Variants in TBC1D22B observed in about 807,000 individuals in gnomAD.
TBC1D22B encodes the protein TBC1 domain family member 22B.
A neutral mutation model predicts 69.1 loss-of-function variants in TBC1D22B; 32 were observed. The observed-to-expected ratio is 0.46, with a 90% CI of 0.35 to 0.62. The LOEUF is 0.62. TBC1D22B is among the 20% of genes least tolerant of loss of function. The pLI, the probability that TBC1D22B is intolerant of heterozygous loss-of-function variation, is 0.00. For synonymous variants in TBC1D22B, 206 were observed against 229.8 expected, an observed-to-expected ratio of 0.90 and a Z score of 0.94; for missense variants, 462 against 630.9, an observed-to-expected ratio of 0.73 and a Z score of 2.87.
intron 12 of TBC1D22B, among the ~76,000 whole-genome samples, chr6:37,326,407 A>G (rs983057587): frequency 3.4e-5 from 5 of 149,178 alleles, no homozygotes; most frequent in Non-Finnish European, 7.4e-5. Context: ...ATTCTCTTCT[A>G]GAGAGCTATG....
chr6:37,290,622 G>T (rs546045135), intron 7 of TBC1D22B, among the ~76,000 whole-genome samples: 2 of 152,076 alleles, frequency 1.3e-5, no homozygotes, highest in African/African-American at 4.8e-5. Flanking sequence ...CCCAGCTATA[G>T]GAGTCCATAG....
chr6:37,260,615 G>GA (rs1447835971), intron 1 of TBC1D22B, among the ~76,000 whole-genome samples: 3 of 152,090 alleles, frequency 2.0e-5, no homozygotes, highest in Non-Finnish European at 2.9e-5. Flanking sequence ...ATCCTGAAAA[G>GA]AAACTACATA....
intron 8 of TBC1D22B, among the ~76,000 whole-genome samples, chr6:37,296,580 G>A (rs1767382432): frequency 6.6e-6 from 1 of 152,030 alleles, no homozygotes; most frequent in African/African-American, 2.4e-5. Context: ...GAACCCCTGA[G>A]CTCAAGCATC....
At chr6:37,291,948 G>A (rs1767199703) in intron 8 of TBC1D22B, among the ~76,000 whole-genome samples, 1 of 152,210 alleles carries the variant, frequency 6.6e-6, no homozygotes, top group Non-Finnish European at 1.5e-5. Context: ...GCCTCTGCCA[G>A]CCAGCCTAAG....
intron 2 of TBC1D22B, among the ~76,000 whole-genome samples, chr6:37,270,300 A>G (rs1766442494): frequency 6.6e-6 from 1 of 151,946 alleles, no homozygotes; most frequent in African/African-American, 2.4e-5. Context: ...AAAAATACAA[A>G]AATTGGCTGG....
chr6:37,274,903 T>C (rs1933942745), intron 2 of TBC1D22B, among the ~76,000 whole-genome samples: 1 of 152,136 alleles, frequency 6.6e-6, no homozygotes, highest in South Asian at 2.1e-4. Context: ...AATACAAAAA[T>C]TAGCTGGGCG....
chr6:37,296,550 A>C (rs180736643), intron 8 of TBC1D22B, among the ~76,000 whole-genome samples: 99 of 152,132 alleles, frequency 6.5e-4, no homozygotes, highest in Non-Finnish European at 1.3e-3. Context: ...AATTTTTGCC[A>C]CATTGCCGAG....
rs78237273 is a variant in TBC1D22B at position 37,291,393 on chromosome 6, G to A, written c.982+36G>A. On this transcript the variant is annotated intron_variant, in intron 8 of 12. Coordinates refer to ENST00000373491, the MANE Select transcript of TBC1D22B (RefSeq NM_017772.4). Reference sequence around the variant, plus strand: ...TTAGTACCAAGCTGAACAAGCTATTGCTCTTTCTTATCTGCCGTCTGTCTG... The same window carrying A: ...TTAGTACCAAGCTGAACAAGCTATTACTCTTTCTTATCTGCCGTCTGTCTG... 1,318 of 1,418,006 alleles carry A rather than the reference G, an allele frequency of 9.3e-4. 12 individuals carry two copies. In the African/African-American group the frequency reaches 0.018, roughly 19 times the overall value. 87.8% of individuals were successfully genotyped at this position (1,418,006 alleles called of 1,614,324 possible).
At chr6:37,330,923 CTT>C (rs1768563798) in intron 12 of TBC1D22B, 119 bp from the exon 13 acceptor site, 5 of 1,010,538 alleles carry the variant, frequency 4.9e-6, no homozygotes, top group Admixed American at 3.9e-5. Context: ...AGGCTGGACT[CTT>C]TGAGATGTGT....
In TBC1D22B at chr6:37,292,414, T is replaced by C. The variant is rs143272014; in HGVS notation, c.982+1057T>C. On this transcript the variant is annotated intron_variant, in intron 8 of 12. Coordinates refer to ENST00000373491, the MANE Select transcript of TBC1D22B (RefSeq NM_017772.4). Reference sequence around the variant, plus strand: ...TGATGAGGTCTTTCATGAGGCGATCTCAGAAAATTAAGAATTAAGGCAACT... The same window carrying C: ...TGATGAGGTCTTTCATGAGGCGATCCCAGAAAATTAAGAATTAAGGCAACT... Among the ~76,000 whole-genome samples, 6 of 152,274 alleles carry C rather than the reference T, an allele frequency of 3.9e-5. No homozygotes were observed. The East Asian group carries it at 1.2e-3, about 29-fold the overall frequency.
intron 8 of TBC1D22B, among the ~76,000 whole-genome samples, chr6:37,308,033 A>C (rs764043965): frequency 4.6e-5 from 7 of 152,256 alleles, no homozygotes; most frequent in African/African-American, 7.2e-5. Context: ...GCCATCACTC[A>C]AGTACATTTC....
intron 3 of TBC1D22B, 95 bp downstream of exon 3, chr6:37,279,706 T>C (rs767474880): frequency 1.7e-5 from 22 of 1,296,168 alleles, no homozygotes; most frequent in Non-Finnish European, 2.0e-5. Context: ...CTCAGGTAGA[T>C]ATTCAACTGG....
chr6:37,317,365 G>C (rs1170660920), intron 12 of TBC1D22B, among the ~76,000 whole-genome samples, 159 bp downstream of exon 12: 1 of 152,222 alleles, frequency 6.6e-6, no homozygotes, highest in Non-Finnish European at 1.5e-5. Flanking sequence ...TTAGTTGGCA[G>C]GAAGTCACTG....
At chr6:37,271,633 A>G (rs1326699279) in intron 2 of TBC1D22B, among the ~76,000 whole-genome samples, 1 of 152,222 alleles carries the variant, frequency 6.6e-6, no homozygotes, top group East Asian at 1.9e-4. Context: ...GAAAAAAAGG[A>G]TAATATACGT....
chr6:37,325,976 T>C (rs538874847), intron 12 of TBC1D22B, among the ~76,000 whole-genome samples: 4 of 152,140 alleles, frequency 2.6e-5, no homozygotes, highest in Admixed American at 2.0e-4. Flanking sequence ...TCACTTCCCT[T>C]GGGGGAAGTG....
At chr6:37,298,701 A>G (rs747656154) in intron 8 of TBC1D22B, among the ~76,000 whole-genome samples, 3 of 151,818 alleles carry the variant, frequency 2.0e-5, no homozygotes, top group Non-Finnish European at 4.4e-5. Flanking sequence ...GCCCGCCACC[A>G]CGCACAGCTA....
At chr6:37,310,744 G>C (rs1047574276) in intron 8 of TBC1D22B, among the ~76,000 whole-genome samples, 1 of 152,190 alleles carries the variant, frequency 6.6e-6, no homozygotes, top group Non-Finnish European at 1.5e-5. Flanking sequence ...CAAGCTTAGT[G>C]TTGTTTTACA....
intron 8 of TBC1D22B, among the ~76,000 whole-genome samples, chr6:37,295,345 G>A (rs1254854466): frequency 6.6e-6 from 1 of 152,164 alleles, no homozygotes; most frequent in Non-Finnish European, 1.5e-5. Flanking sequence ...GCCTCAAGCA[G>A]TCCTTTTGCC....
At chr6:37,285,342 T>TTTA in intron 6 of TBC1D22B, among the ~76,000 whole-genome samples, 1 of 144,748 alleles carries the variant, frequency 6.9e-6, no homozygotes. Context: ...TTTTTTTTTT[T>TTTA]GAGATGGAGT....
Sources: gnomAD v4.1 joint callset for allele counts (sites outside exome capture counted in the v4.1 genomes callset) on GRCh38, gnomAD v4.1.1 for gene constraint, MANE v1.5 for transcripts, NCBI Gene and HGNC (gene_info 2026-07-23, HGNC 2026-07-21) for gene names.